Variants in ZSWIM6 observed in about 807,000 individuals in gnomAD.
ZSWIM6 encodes zinc finger SWIM-type containing 6.
In ZSWIM6, 9 loss-of-function variants were observed where a neutral mutation model predicts 113.2. That is an observed-to-expected ratio of 0.08 (90% CI 0.05 to 0.14). The LOEUF is 0.14. Ranked by LOEUF, ZSWIM6 falls within the 10% of genes least tolerant of loss-of-function variation. The pLI is 1.00. For synonymous variants in ZSWIM6, 611 were observed against 606.5 expected, an observed-to-expected ratio of 1.01 and a Z score of -0.11; for missense variants, 1,162 against 1,552.2, an observed-to-expected ratio of 0.75 and a Z score of 4.22.
intron 1 of ZSWIM6, among the ~76,000 whole-genome samples, chr5:61,366,874 G>A (rs1245390527): frequency 6.7e-6 from 1 of 149,064 alleles, no homozygotes; most frequent in Non-Finnish European, 1.5e-5. Context: ...GGCTGCATGA[G>A]CCATAATCTT....
At chr5:61,459,560 G>A (rs548240092) in intron 1 of ZSWIM6, among the ~76,000 whole-genome samples, 22 of 152,178 alleles carry the variant, frequency 1.4e-4, no homozygotes, top group Non-Finnish European at 2.8e-4. Flanking sequence ...ATGCATCATG[G>A]GCAAGATACA....
At chr5:61,376,654 T>G (rs889609037) in intron 1 of ZSWIM6, among the ~76,000 whole-genome samples, 1 of 137,472 alleles carries the variant, frequency 7.3e-6, no homozygotes, top group Admixed American at 7.6e-5. Flanking sequence ...GACTACACTT[T>G]GGCTTGGGAG....
At chr5:61,542,772 T>A (rs900017535) in intron 13 of ZSWIM6, among the ~76,000 whole-genome samples, 15 of 152,174 alleles carry the variant, frequency 9.9e-5, no homozygotes, top group Non-Finnish European at 1.5e-4. Context: ...TAATACTAAT[T>A]TAAGAACTGC....
chr5:61,524,705 G>T (rs903214539), intron 5 of ZSWIM6, among the ~76,000 whole-genome samples: 1 of 152,128 alleles, frequency 6.6e-6, no homozygotes, highest in Non-Finnish European at 1.5e-5. Flanking sequence ...CCAAAGGTCC[G>T]GTGACAGGAA....
At chr5:61,425,760 C>G (rs1561232379) in intron 1 of ZSWIM6, among the ~76,000 whole-genome samples, 2 of 152,144 alleles carry the variant, frequency 1.3e-5, no homozygotes, top group East Asian at 3.8e-4. Context: ...GCAGAGGGAA[C>G]AGAATGTGCA....
intron 1 of ZSWIM6, among the ~76,000 whole-genome samples, chr5:61,439,943 T>G (rs1008601478): frequency 6.6e-6 from 1 of 152,194 alleles, no homozygotes; most frequent in Admixed American, 6.5e-5. Flanking sequence ...GTAGTTCAAG[T>G]GCCCTTTCTA....
intron 1 of ZSWIM6, among the ~76,000 whole-genome samples, chr5:61,348,746 A>T (rs137873701): frequency 1.1e-4 from 16 of 152,320 alleles, no homozygotes; most frequent in African/African-American, 3.8e-4. Context: ...ATCCTAAAAC[A>T]TTCTATGTCT....
intron 7 of ZSWIM6, 79 bp downstream of exon 7, chr5:61,526,475 T>C (rs1021217408): frequency 6.9e-5 from 102 of 1,487,242 alleles, no homozygotes; most frequent in Non-Finnish European, 9.1e-5. Flanking sequence ...CTGGGAGAGA[T>C]GGCTTTTAGA....
rs1263365350 is a variant in ZSWIM6 at position 61,333,300 on chromosome 5, CGGACGGCCGGCCTCCGGCGAGGGT to C, written c.676+354_676+377del. Among the ~76,000 whole-genome samples, 239 of 151,782 alleles carry C rather than the reference CGGACGGCCGGCCTCCGGCGAGGGT, an allele frequency of 1.6e-3. 1 individual carries two copies. The highest frequency in any genetic ancestry group is 2.4e-3 in the Non-Finnish European group (161 of 67,892). On this transcript the variant is annotated intron_variant, in intron 1 of 13. Coordinates refer to ENST00000252744, the MANE Select transcript of ZSWIM6 (RefSeq NM_020928.2). Reference sequence around the variant, plus strand: ...GGGTGGATGTGGACAAAGGCGCGGGCGGACGGCCGGCCTCCGGCGAGGGTGTGTGTGGCGGGGCTGTGCGGGGCG... The same window carrying C: ...GGGTGGATGTGGACAAAGGCGCGGGCGTGTGTGGCGGGGCTGTGCGGGGCG...
chr5:61,418,123 T>C (rs1434394469), intron 1 of ZSWIM6, among the ~76,000 whole-genome samples: 3 of 152,126 alleles, frequency 2.0e-5, no homozygotes, highest in Admixed American at 2.0e-4. Context: ...AATATGGTGA[T>C]TTGAATGTAG....
chr5:61,382,094 C>T (rs1269555299), intron 1 of ZSWIM6, among the ~76,000 whole-genome samples: 1 of 152,178 alleles, frequency 6.6e-6, no homozygotes, highest in African/African-American at 2.4e-5. Context: ...GCAACCAAGA[C>T]TAAGTAGCAT....
At position 61,491,596 on chromosome 5, in the gene ZSWIM6, G is replaced by A. The variant is rs117636920; in HGVS notation, c.1182+662G>A. ...TCTGGGTCATAAGTTCCTTGTGAGC[G>A]GAAGCTGTGTGTTTTGTTTATACAG... On this transcript the variant is annotated intron_variant, in intron 3 of 13. Transcript: ENST00000252744. 1.7e-3 allele frequency among the ~76,000 whole-genome samples: 259 copies of A among 152,102 alleles called. 4 individuals carry two copies. In the East Asian group the frequency reaches 0.031, roughly 18 times the overall value.
At chr5:61,460,993 A>G (rs1747312938) in intron 1 of ZSWIM6, among the ~76,000 whole-genome samples, 1 of 152,228 alleles carries the variant, frequency 6.6e-6, no homozygotes, top group Non-Finnish European at 1.5e-5. Context: ...CAACAAAAAG[A>G]TATAATGCCC....
chr5:61,395,451 T>C (rs1428948165), intron 1 of ZSWIM6, among the ~76,000 whole-genome samples: 10 of 152,184 alleles, frequency 6.6e-5, no homozygotes, highest in Non-Finnish European at 1.3e-4. Context: ...TACACAGATA[T>C]GGATCTATCA....
At chr5:61,458,529 A>C (rs1580006549) in intron 1 of ZSWIM6, among the ~76,000 whole-genome samples, 2 of 152,288 alleles carry the variant, frequency 1.3e-5, no homozygotes, top group East Asian at 3.9e-4. Flanking sequence ...CAACCTTCTG[A>C]AAAAGAAGGT....
chr5:61,475,029 C>CA (rs1421523646), intron 2 of ZSWIM6, among the ~76,000 whole-genome samples: 1 of 152,214 alleles, frequency 6.6e-6, no homozygotes, highest in East Asian at 1.9e-4. Context: ...AGGACTTTTT[C>CA]AAGTAGGCTT....
intron 6 of ZSWIM6, 108 bp from the exon 7 acceptor site, chr5:61,526,142 T>G: frequency 7.0e-7 from 1 of 1,438,418 alleles, no homozygotes; most frequent in Non-Finnish European, 9.2e-7. Context: ...AGGAATGGTT[T>G]CTTGTGTCTT....
chr5:61,332,544 T>A lies in ZSWIM6; in HGVS notation c.272T>A (p.Phe91Tyr). Reference sequence around the variant, plus strand: ...CGCAGGGTGGCGGAGAAGTGGCCGTTCCAGCGCGTGGAGGAGCGCTTTGAG... The same window carrying A: ...CGCAGGGTGGCGGAGAAGTGGCCGTACCAGCGCGTGGAGGAGCGCTTTGAG... ...AARRVAEKWP[F>Y]QRVEERFERI... Residue 91 changes from phenylalanine (F) to tyrosine (Y), a missense_variant, in exon 1 of 14, where the codon TTC (phenylalanine) becomes TAC (tyrosine). Transcript: ENST00000252744. 1.0e-5 allele frequency: 14 copies of A among 1,352,126 alleles called. No individual in the cohort carries two copies. Among genetic ancestry groups the A allele is most frequent in the Non-Finnish European group, 1.4e-5 (14 of 1,024,596 alleles). 83.8% of individuals were successfully genotyped at this position (1,352,126 alleles called of 1,614,324 possible). A position where few individuals can be genotyped will look rare whatever the true frequency, so the allele number is the denominator to read the frequency against.
rs535590209 is a variant in ZSWIM6, at chr5:61,490,661, C to G, written c.1034-125C>G. On this transcript the variant is annotated intron_variant, in intron 2 of 13. Transcript: ENST00000252744. The stretch of plus-strand genomic sequence containing the variant: ...AGTGATCCTTGTATTTAGTTTGTCA[C>G]AAATTTGTATGTATAATTGAAATTG... 3 of 977,288 alleles carry G rather than the reference C, an allele frequency of 3.1e-6. No homozygotes were observed. In the African/African-American group the frequency reaches 5.1e-5, roughly 17 times the overall value. 60.5% of individuals were successfully genotyped at this position (977,288 alleles called of 1,614,324 possible).
Sources: gnomAD v4.1 joint callset for allele counts (sites outside exome capture counted in the v4.1 genomes callset) on GRCh38, gnomAD v4.1.1 for gene constraint, MANE v1.5 for transcripts, NCBI Gene and HGNC (gene_info 2026-07-23, HGNC 2026-07-21) for gene names.